Variants in ZNF407 observed in about 807,000 individuals in gnomAD.
ZNF407 encodes zinc finger protein 407.
A neutral mutation model predicts 131.2 loss-of-function variants in ZNF407; 17 were observed. The observed-to-expected ratio is 0.13, with a 90% confidence interval of 0.09 to 0.19. The LOEUF (loss-of-function observed/expected upper bound fraction) is 0.19, where lower values mean the gene tolerates loss of function less well. Among genes scored for constraint, ZNF407 ranks in the 10% least tolerant of loss-of-function variants. The pLI, the probability that ZNF407 is intolerant of heterozygous loss-of-function variation, is 1.00. For synonymous variants in ZNF407, 1,156 were observed against 1,062.0 expected (o/e 1.09, Z -1.72); for missense variants, 2,681 against 2,830.6 (o/e 0.95, Z 1.20).
intron 4 of ZNF407, among the ~76,000 whole-genome samples, chr18:74,822,842 A>G (rs1301385164): frequency 2.0e-5 from 3 of 152,200 alleles, no homozygotes; most frequent in Non-Finnish European, 4.4e-5. Flanking sequence ...CATTGAATCT[A>G]TAAATTACTT....
intron 4 of ZNF407, among the ~76,000 whole-genome samples, chr18:74,797,221 A>T (rs1053000012): frequency 6.6e-6 from 1 of 152,234 alleles, no homozygotes; most frequent in African/African-American, 2.4e-5. Context: ...GTGGCCTTCA[A>T]GGGGCTCCAG....
chr18:74,697,015 G>T (rs1160464226), intron 3 of ZNF407, among the ~76,000 whole-genome samples: 1 of 152,090 alleles, frequency 6.6e-6, no homozygotes, highest in Non-Finnish European at 1.5e-5. Context: ...TTTTTAGAAG[G>T]TCTCCAAATG....
intron 8 of ZNF407, among the ~76,000 whole-genome samples, chr18:75,017,851 T>G (rs1008236230): frequency 6.6e-6 from 1 of 152,104 alleles, no homozygotes; most frequent in Admixed American, 6.5e-5. Context: ...TAGAATTACC[T>G]GTTTTCTATC....
At chr18:74,895,453 A>G (rs781173781) in intron 7 of ZNF407, among the ~76,000 whole-genome samples, 1 of 152,116 alleles carries the variant, frequency 6.6e-6, no homozygotes, top group Non-Finnish European at 1.5e-5. Flanking sequence ...ATGTATCGAC[A>G]TCCTTGAAAA....
At chr18:74,615,254 C>T (rs1177153830) in intron 1 of ZNF407, among the ~76,000 whole-genome samples, 1 of 152,226 alleles carries the variant, frequency 6.6e-6, no homozygotes, top group African/African-American at 2.4e-5. Flanking sequence ...CGCCTGTAAT[C>T]CCAGCACTTT....
chr18:74,835,428 T>C (rs1970541799), intron 4 of ZNF407, among the ~76,000 whole-genome samples: 1 of 152,176 alleles, frequency 6.6e-6, no homozygotes, highest in Non-Finnish European at 1.5e-5. Flanking sequence ...TCTGAGGGTG[T>C]GCAGTTGAGA....
intron 8 of ZNF407, among the ~76,000 whole-genome samples, chr18:74,979,126 G>A (rs750794211): frequency 1.3e-5 from 2 of 152,166 alleles, no homozygotes; most frequent in Non-Finnish European, 2.9e-5. Context: ...TGGTACGACC[G>A]AGAAACTGAT....
chr18:74,946,991 T>G (rs1327888767), intron 8 of ZNF407, among the ~76,000 whole-genome samples: 1 of 152,218 alleles, frequency 6.6e-6, no homozygotes, highest in Non-Finnish European at 1.5e-5. Context: ...CATTTTTCTT[T>G]TGGTCATTGA....
chr18:74,714,179 A>G (rs1019696405), intron 3 of ZNF407, among the ~76,000 whole-genome samples: 3 of 152,238 alleles, frequency 2.0e-5, no homozygotes, highest in Admixed American at 6.5e-5. Context: ...ATAATGTAGA[A>G]TAGTCATAAG....
At chr18:75,015,040 C>A (rs556914363) in intron 8 of ZNF407, among the ~76,000 whole-genome samples, 1 of 152,092 alleles carries the variant, frequency 6.6e-6, no homozygotes, top group African/African-American at 2.4e-5. Flanking sequence ...CTTTCCCCAC[C>A]GCCATATTCG....
intron 8 of ZNF407, among the ~76,000 whole-genome samples, chr18:74,978,353 A>C (rs1334978870): frequency 6.6e-6 from 1 of 152,202 alleles, no homozygotes; most frequent in African/African-American, 2.4e-5. Context: ...GTAAGGAGCC[A>C]TTCCATGTGT....
At chr18:74,834,771 C>T (rs538891803) in intron 4 of ZNF407, among the ~76,000 whole-genome samples, 30 of 152,246 alleles carry the variant, frequency 2.0e-4, no homozygotes, top group Non-Finnish European at 3.8e-4. Context: ...TTTTCAGACA[C>T]GAGGAATAGT....
chr18:74,795,565 A>T (rs1377985511), intron 4 of ZNF407, among the ~76,000 whole-genome samples: 4 of 152,214 alleles, frequency 2.6e-5, no homozygotes, highest in Non-Finnish European at 5.9e-5. Flanking sequence ...TGATAGTTTT[A>T]CCATGGTTTC....
At chr18:74,865,100 C>T (rs1371362896) in intron 4 of ZNF407, among the ~76,000 whole-genome samples, 1 of 152,196 alleles carries the variant, frequency 6.6e-6, no homozygotes, top group Non-Finnish European at 1.5e-5. Context: ...ATGCTGTACT[C>T]ACCACTCACC....
intron 6 of ZNF407, among the ~76,000 whole-genome samples, chr18:74,882,917 C>T (rs1352272079): frequency 6.6e-6 from 1 of 152,166 alleles, no homozygotes; most frequent in Non-Finnish European, 1.5e-5. Flanking sequence ...GTTTAAATGC[C>T]ATTGAAGTTC....
At chr18:74,749,974 C>T (rs998747847) in intron 3 of ZNF407, among the ~76,000 whole-genome samples, 18 of 152,156 alleles carry the variant, frequency 1.2e-4, no homozygotes, top group Non-Finnish European at 2.4e-4. Context: ...CCTAAATTCA[C>T]TGGACAAAGT....
At chr18:74,721,158 C>T (rs1298926508) in intron 3 of ZNF407, among the ~76,000 whole-genome samples, 1 of 152,070 alleles carries the variant, frequency 6.6e-6, no homozygotes, top group African/African-American at 2.4e-5. Context: ...GTATCCTCTT[C>T]CCTTTCTTTC....
At chr18:74,713,514 CCTT>C in intron 3 of ZNF407, among the ~76,000 whole-genome samples, 1 of 151,830 alleles carries the variant, frequency 6.6e-6, no homozygotes, top group East Asian at 1.9e-4. Flanking sequence ...TAGATATCCT[CCTT>C]CAGGAGGCAA....
chr18:74,744,821 T>C (rs1968630854), intron 3 of ZNF407, among the ~76,000 whole-genome samples: 2 of 75,020 alleles, frequency 2.7e-5, no homozygotes, highest in African/African-American at 8.6e-5. Context: ...AGCAGTGTAT[T>C]AGTGTGAAAT....
Sources: gnomAD v4.1 joint callset for allele counts (sites outside exome capture counted in the v4.1 genomes callset) on GRCh38, gnomAD v4.1.1 for gene constraint, MANE v1.5 for transcripts, NCBI Gene and HGNC (gene_info 2026-07-23, HGNC 2026-07-21) for gene names.